CFAP299: variants seen among roughly 807,000 people sequenced by gnomAD.
CFAP299 encodes the protein cilia- and flagella-associated protein 299.
CFAP299 carries 21 observed loss-of-function variants against 27.0 expected under a neutral mutation model. That is an observed-to-expected ratio of 0.78 (90% CI 0.55 to 1.12). The LOEUF is 1.12. Ranked by LOEUF, CFAP299 falls within the 50% of genes most tolerant of loss-of-function variation. The probability of loss-of-function intolerance (pLI) is 0.00; values close to 1 mark genes in which losing one functional copy is unlikely to be tolerated. For synonymous variants in CFAP299, 104 were observed against 98.1 expected (o/e 1.06, Z -0.36); for missense variants, 310 against 276.6 (o/e 1.12, Z -0.86).
intron 3 of CFAP299, among the ~76,000 whole-genome samples, chr4:80,601,053 G>A (rs1737319867): frequency 6.6e-6 from 1 of 152,120 alleles, no homozygotes; most frequent in Admixed American, 6.6e-5. Flanking sequence ...TCATATATGA[G>A]AGTGTTATAT....
At chr4:80,592,077 CAT>C (rs1429651578) in intron 3 of CFAP299, among the ~76,000 whole-genome samples, 4 of 152,134 alleles carry the variant, frequency 2.6e-5, no homozygotes, top group Admixed American at 2.6e-4. Flanking sequence ...ACCTTTTTCA[CAT>C]ATTAAAATAT....
intron 2 of CFAP299, among the ~76,000 whole-genome samples, chr4:80,381,088 A>G (rs1724674795): frequency 6.6e-6 from 1 of 152,180 alleles, no homozygotes; most frequent in Non-Finnish European, 1.5e-5. Context: ...AACTTTGGTC[A>G]GATGTTCAAG....
intron 3 of CFAP299, among the ~76,000 whole-genome samples, chr4:80,708,370 A>G (rs1721943001): frequency 1.3e-5 from 2 of 151,916 alleles, no homozygotes; most frequent in Admixed American, 6.6e-5. Flanking sequence ...TTTGCTCTTT[A>G]TGTAAATATA....
At chr4:80,400,092 A>G (rs956593031) in intron 2 of CFAP299, among the ~76,000 whole-genome samples, 3 of 152,170 alleles carry the variant, frequency 2.0e-5, no homozygotes, top group East Asian at 1.9e-4. Flanking sequence ...CTTACTTTAT[A>G]TATTGTCTGT....
intron 2 of CFAP299, among the ~76,000 whole-genome samples, chr4:80,522,472 G>A (rs1488470135): frequency 1.3e-5 from 2 of 151,964 alleles, no homozygotes; most frequent in Non-Finnish European, 2.9e-5. Flanking sequence ...CTCTGTTGAT[G>A]GTTCCCTTGG....
intron 2 of CFAP299, among the ~76,000 whole-genome samples, chr4:80,481,115 A>G (rs982207973): frequency 6.6e-6 from 1 of 152,034 alleles, no homozygotes; most frequent in East Asian, 1.9e-4. Context: ...TAGTGTGTTG[A>G]AAAAAACTTA....
chr4:80,540,319 A>G (rs1290499715), intron 2 of CFAP299, among the ~76,000 whole-genome samples: 3 of 152,228 alleles, frequency 2.0e-5, no homozygotes, highest in African/African-American at 7.2e-5. Flanking sequence ...AATATTCTTT[A>G]ACCATTTTAG....
At chr4:80,935,018 C>T (rs1386897482) in intron 4 of CFAP299, among the ~76,000 whole-genome samples, 1 of 151,352 alleles carries the variant, frequency 6.6e-6, no homozygotes, top group East Asian at 1.9e-4. Context: ...CTATGAAGTC[C>T]CTTCTTAAAA....
intron 4 of CFAP299, chr4:80,870,395 C>A: frequency 9.0e-7 from 1 of 1,109,440 alleles, no homozygotes; most frequent in South Asian, 3.5e-5. Context: ...TAAGTAGTGC[C>A]TAAATTTTGT....
chr4:80,496,381 C>T (rs1350852394), intron 2 of CFAP299, among the ~76,000 whole-genome samples: 1 of 152,176 alleles, frequency 6.6e-6, no homozygotes, highest in Non-Finnish European at 1.5e-5. Context: ...CCACAGATTC[C>T]TGGGGCATGA....
chr4:80,565,439 C>T (rs1395195014), intron 2 of CFAP299, among the ~76,000 whole-genome samples: 2 of 151,788 alleles, frequency 1.3e-5, no homozygotes, highest in Admixed American at 1.3e-4. Context: ...AGCAATATGA[C>T]TAATTCTTTT....
chr4:80,690,456 C>T (rs1477972762), intron 3 of CFAP299, among the ~76,000 whole-genome samples: 9 of 151,974 alleles, frequency 5.9e-5, no homozygotes, highest in African/African-American at 1.9e-4. Context: ...GGGTACATAA[C>T]GAAATGAAGG....
chr4:80,375,034 T>G (rs1724334341), intron 2 of CFAP299, among the ~76,000 whole-genome samples: 1 of 152,000 alleles, frequency 6.6e-6, no homozygotes, highest in African/African-American at 2.4e-5. Flanking sequence ...GCAAATTCAG[T>G]GCTAGAGTGG....
rs1380063109 is a variant in CFAP299, at chr4:80,422,490, G to T, written c.242+59606G>T. Among the ~76,000 whole-genome samples, 6 of 152,190 alleles carry T rather than the reference G, an allele frequency of 3.9e-5. No homozygotes were observed. The East Asian group carries it at 1.2e-3, about 29-fold the overall frequency. ...TCCTGACAGATGAGATTACTTGCAA[G>T]GTCTTGTACTTTTTCAAGTTTCTGC... On this transcript the variant is annotated intron_variant, in intron 2 of 5. Coordinates refer to ENST00000358105, the MANE Select transcript of CFAP299 (RefSeq NM_152770.3).
At chr4:80,690,899 A>G (rs1013375560) in intron 3 of CFAP299, among the ~76,000 whole-genome samples, 3 of 149,724 alleles carry the variant, frequency 2.0e-5, no homozygotes, top group African/African-American at 7.3e-5. Context: ...CTACCATCAG[A>G]GAATACTACA....
intron 2 of CFAP299, among the ~76,000 whole-genome samples, chr4:80,410,190 A>C (rs972929895): frequency 1.3e-5 from 2 of 152,234 alleles, no homozygotes; most frequent in African/African-American, 4.8e-5. Flanking sequence ...AAATTGTAGC[A>C]AGAGAAAAAG....
intron 3 of CFAP299, among the ~76,000 whole-genome samples, chr4:80,719,428 A>AGG: frequency 6.6e-6 from 1 of 152,358 alleles, no homozygotes; most frequent in Admixed American, 6.5e-5. Context: ...TTAACTTTAT[A>AGG]GAAAACTACC....
At chr4:80,409,330 G>A (rs944992494) in intron 2 of CFAP299, among the ~76,000 whole-genome samples, 4 of 152,072 alleles carry the variant, frequency 2.6e-5, no homozygotes, top group African/African-American at 4.8e-5. Context: ...GTCAGAAAAT[G>A]TGTTTGTAAT....
chr4:80,931,950 C>T (rs1736646644), intron 4 of CFAP299, among the ~76,000 whole-genome samples: 1 of 152,148 alleles, frequency 6.6e-6, no homozygotes, highest in African/African-American at 2.4e-5. Context: ...GGAGTTTATT[C>T]CTTGCCTTCC....
Sources: gnomAD v4.1 joint callset for allele counts (sites outside exome capture counted in the v4.1 genomes callset) on GRCh38, gnomAD v4.1.1 for gene constraint, MANE v1.5 for transcripts, NCBI Gene and HGNC (gene_info 2026-07-23, HGNC 2026-07-21) for gene names.